The following FAT3 variants were observed in gnomAD, a reference collection of about 807,000 sequenced individuals.
The protein encoded by FAT3 is FAT atypical cadherin 3, also known as protocadherin Fat 3.
Under a neutral mutation model 310.2 loss-of-function variants are expected in FAT3, and 95 were observed. The ratio of observed to expected loss-of-function variants is 0.31; its 90% CI spans 0.26 to 0.36. The LOEUF (loss-of-function observed/expected upper bound fraction) is 0.36. Ranked by LOEUF, FAT3 falls within the 10% of genes least tolerant of loss-of-function variation. The probability of loss-of-function intolerance (pLI) is 1.00; values close to 1 mark genes in which losing one functional copy is unlikely to be tolerated. For synonymous variants in FAT3, 2,314 were observed against 2,192.9 expected (o/e 1.06, Z -1.54); for missense variants, 5,408 against 5,715.6 (o/e 0.95, Z 1.74).
chr11:92,779,525 T>C (rs1183738541), intron 7 of FAT3, among the ~76,000 whole-genome samples: 2 of 151,798 alleles, frequency 1.3e-5, no homozygotes, highest in Non-Finnish European at 2.9e-5. Context: ...ACACATGAAA[T>C]AGATTAAAAA....
chr11:92,385,620 G>A (rs1949600240), intron 2 of FAT3, among the ~76,000 whole-genome samples: 1 of 151,770 alleles, frequency 6.6e-6, no homozygotes, highest in South Asian at 2.1e-4. Flanking sequence ...CACCTGCCTC[G>A]GCCTACCAAA....
At chr11:92,565,564 G>GCT (rs1330084754) in intron 3 of FAT3, among the ~76,000 whole-genome samples, 1 of 151,634 alleles carries the variant, frequency 6.6e-6, no homozygotes, top group African/African-American at 2.4e-5. Flanking sequence ...TGATACCAAA[G>GCT]CTGGGCAGAG....
chr11:92,811,256 T>C (rs909295175), intron 13 of FAT3, among the ~76,000 whole-genome samples: 14 of 152,220 alleles, frequency 9.2e-5, no homozygotes, highest in African/African-American at 3.1e-4. Context: ...TGGACTCTTA[T>C]TAGCAGATGA....
intron 1 of FAT3, among the ~76,000 whole-genome samples, chr11:92,319,846 T>C (rs902175127): frequency 7.9e-5 from 12 of 152,214 alleles, no homozygotes; most frequent in Non-Finnish European, 1.3e-4. Context: ...CTAGTGTTTT[T>C]CAAACTGTAT....
intron 1 of FAT3, among the ~76,000 whole-genome samples, chr11:92,340,891 G>A (rs1313691439): frequency 1.3e-5 from 2 of 152,078 alleles, no homozygotes; most frequent in Non-Finnish European, 1.5e-5. Context: ...TAGCTAAGAC[G>A]CAGTTGTCAA....
At chr11:92,313,804 G>A (rs961847815) in intron 1 of FAT3, among the ~76,000 whole-genome samples, 10 of 152,128 alleles carry the variant, frequency 6.6e-5, no homozygotes, top group African/African-American at 1.2e-4. Flanking sequence ...GTGATCTGCC[G>A]ACCTCGGCCT....
chr11:92,843,994 G>C lies in FAT3; in HGVS notation c.10627G>C (p.Glu3543Gln). The C allele has an allele frequency of 6.2e-7, 1 of 1,613,870 alleles. No homozygotes were observed. Among genetic ancestry groups the C allele is most frequent in the Non-Finnish European group, 8.5e-7 (1 of 1,179,820 alleles). ...CACTTACATCCGCGTGCGAGTCATTGAGGAAAGCACCCACAAGCCCACAGC... is the reference window on the plus strand; with the variant it reads ...CACTTACATCCGCGTGCGAGTCATTCAGGAAAGCACCCACAAGCCCACAGC... ...SHTYIRVRVI[E>Q]ESTHKPTAIP... The change falls in exon 19 of 28, where the codon GAG (glutamate) becomes CAG (glutamine). Residue 3543 changes from glutamate (E) to glutamine (Q), a missense_variant. This residue lies in a region of FAT3 where 4,588 missense variants were observed against 4,809.8 expected (regional missense o/e 0.95). Transcript: ENST00000525166.
Position 92,770,656 on chromosome 11 carries a change from T to C in FAT3, c.4196-3385T>C, listed in dbSNP as rs114151509. Among the ~76,000 whole-genome samples the C allele has an allele frequency of 3.7e-3, 565 of 152,174 alleles. 3 individuals are homozygous for C. Among genetic ancestry groups the C allele is most frequent in the African/African-American group, 0.013 (538 of 41,522 alleles). On this transcript the variant is annotated intron_variant, in intron 6 of 27. Transcript: ENST00000525166. Reference sequence around the variant, plus strand: ...ATGTGGGTTGGTATTTTTACAATTATATGTGGAGTGGAAAAGAATCATATG... The same window carrying C: ...ATGTGGGTTGGTATTTTTACAATTACATGTGGAGTGGAAAAGAATCATATG...
At position 92,363,054 on chromosome 11, in the gene FAT3, C is replaced by T. The variant is rs575370956; in HGVS notation, c.3292+7650C>T. 3.3e-5 allele frequency among the ~76,000 whole-genome samples: 5 copies of T among 152,260 alleles called. No individual in the cohort carries two copies. In the South Asian group the frequency reaches 8.3e-4, roughly 25 times the overall value. ...TCAGACAGAAAAAAGAGGGGTTTGGCCGATGGTAGGGTACCAGGATCTTTC... is the reference window on the plus strand; with the variant it reads ...TCAGACAGAAAAAAGAGGGGTTTGGTCGATGGTAGGGTACCAGGATCTTTC... On this transcript the variant is annotated intron_variant, in intron 2 of 27. Transcript: ENST00000525166.
chr11:92,571,539 T>C (rs1304336837), intron 3 of FAT3, among the ~76,000 whole-genome samples: 1 of 152,234 alleles, frequency 6.6e-6, no homozygotes, highest in Non-Finnish European at 1.5e-5. Flanking sequence ...CATTAGCACC[T>C]CACTTCTCTT....
At chr11:92,310,168 G>C (rs1947262014) in intron 1 of FAT3, among the ~76,000 whole-genome samples, 1 of 152,126 alleles carries the variant, frequency 6.6e-6, no homozygotes. Flanking sequence ...TCTGTAAACT[G>C]TGGGAATAGG....
At chr11:92,814,074 G>T (rs532247181) in intron 13 of FAT3, among the ~76,000 whole-genome samples, 1 of 152,232 alleles carries the variant, frequency 6.6e-6, no homozygotes, top group East Asian at 1.9e-4. Flanking sequence ...CAAATAGAAC[G>T]TGCCCCCACC....
intron 2 of FAT3, among the ~76,000 whole-genome samples, chr11:92,360,435 G>T (rs565429950): frequency 6.6e-6 from 1 of 152,292 alleles, no homozygotes; most frequent in South Asian, 2.1e-4. Flanking sequence ...CACTAGTCTG[G>T]AAGATGCAAT....
rs1453140056 is a variant in FAT3, at chr11:92,875,200, A to G, written c.12128-5531A>G. On this transcript the variant is annotated intron_variant, in intron 22 of 27. Transcript: ENST00000525166. ...ATCTGACCACTTTTAAAAAATTCCA[A>G]TTGCTTTTCCCTCTCATTGTGTTAA... Among the ~76,000 whole-genome samples, 7 of 149,798 alleles carry G rather than the reference A, an allele frequency of 4.7e-5. No homozygotes were observed. In the East Asian group the frequency reaches 9.8e-4, roughly 21 times the overall value.
At chr11:92,589,923 A>G (rs1591491784) in intron 3 of FAT3, among the ~76,000 whole-genome samples, 2 of 152,130 alleles carry the variant, frequency 1.3e-5, no homozygotes, top group Admixed American at 6.6e-5. Flanking sequence ...GAGTAAACCA[A>G]TGTAAATGGA....
Position 92,420,616 on chromosome 11 carries a change from C to G in FAT3, c.3292+65212C>G, listed in dbSNP as rs188987859. 9.9e-5 allele frequency among the ~76,000 whole-genome samples: 15 copies of G among 151,610 alleles called. 1 individual carries two copies. The East Asian group carries it at 2.9e-3, about 29-fold the overall frequency. ...GGGGGTTAAGAGTAGAGAGAACTAT[C>G]CATCATAACTAAATCTTTACTAATA... On this transcript the variant is annotated intron_variant, in intron 2 of 27. Transcript: ENST00000525166.
chr11:92,831,739 C>G lies in FAT3; in HGVS notation c.9599C>G (p.Ser3200Trp). ...EQPLDREQQS[S>W]YNISVRATDQ... Reference sequence around the variant, plus strand: ...CCACTGGACCGTGAGCAGCAGTCTTCGTACAACATCAGCGTGCGGGCCACT... The same window carrying G: ...CCACTGGACCGTGAGCAGCAGTCTTGGTACAACATCAGCGTGCGGGCCACT... Residue 3200 changes from serine to tryptophan, a missense_variant, in exon 14 of 28, where the codon TCG (serine) becomes TGG (tryptophan). Transcript: ENST00000525166. 1 of 1,613,514 alleles carries G rather than the reference C, an allele frequency of 6.2e-7. No individual in the cohort carries two copies. Among genetic ancestry groups the G allele is most frequent in the Non-Finnish European group, 8.5e-7 (1 of 1,179,742 alleles).
At chr11:92,545,369 AG>A (rs1379539211) in intron 3 of FAT3, among the ~76,000 whole-genome samples, 3 of 152,156 alleles carry the variant, frequency 2.0e-5, no homozygotes, top group African/African-American at 7.2e-5. Context: ...ATTTTTTCAC[AG>A]ACTGGAAGAG....
At chr11:92,599,928 G>T (rs1326980124) in intron 3 of FAT3, among the ~76,000 whole-genome samples, 1 of 152,114 alleles carries the variant, frequency 6.6e-6, no homozygotes, top group Non-Finnish European at 1.5e-5. Context: ...ATGACTGCAG[G>T]TTATCATATA....
Sources: allele counts gnomAD v4.1 joint callset (sites outside exome capture counted in the v4.1 genomes callset), GRCh38; gene constraint gnomAD v4.1.1; regional missense constraint gnomAD v4.1.1; transcripts MANE v1.5; gene names NCBI Gene and HGNC (gene_info 2026-07-23, HGNC 2026-07-21).